ADGRL3: variants seen among roughly 807,000 people sequenced by gnomAD.
ADGRL3 encodes the protein adhesion G protein-coupled receptor L3.
Under a neutral mutation model 153.5 loss-of-function variants are expected in ADGRL3, and 62 were observed. The ratio of observed to expected loss-of-function variants is 0.40; its 90% CI spans 0.33 to 0.50. The LOEUF is 0.50. Ranked by LOEUF, ADGRL3 falls within the 20% of genes least tolerant of loss-of-function variation. The pLI, the probability that ADGRL3 is intolerant of heterozygous loss-of-function variation, is 0.47. For synonymous variants in ADGRL3, 710 were observed against 672.5 expected (o/e 1.06, Z -0.86); for missense variants, 1,641 against 1,859.4 (o/e 0.88, Z 2.16).
At chr4:61,802,035 G>A (rs1023394513) in intron 8 of ADGRL3, among the ~76,000 whole-genome samples, 1 of 99,194 alleles carries the variant, frequency 1.0e-5, no homozygotes, top group Non-Finnish European at 1.8e-5. Flanking sequence ...CACTGATAAT[G>A]AATATAATTT....
At chr4:62,006,032 A>ATATATATTTTT (rs1203029363) in intron 21 of ADGRL3, among the ~76,000 whole-genome samples, 1 of 73,082 alleles carries the variant, frequency 1.4e-5, no homozygotes, top group Non-Finnish European at 2.6e-5. Flanking sequence ...ATATATATAT[A>ATATATATTTTT]TTTTTTTTTT....
chr4:62,071,029 A>G lies in ADGRL3; in HGVS notation c.*121A>G. 1.1e-6 allele frequency: 1 copy of G among 896,220 alleles called. No homozygotes were observed. Among genetic ancestry groups the G allele is most frequent in the Non-Finnish European group, 1.6e-6 (1 of 607,534 alleles). 55.5% of individuals were successfully genotyped at this position (896,220 alleles called of 1,614,324 possible). A position where few individuals can be genotyped will look rare whatever the true frequency, so the allele number is the denominator to read the frequency against. ...ATCTTTATGCTGTCCTCTAAAGACA[A>G]ACACAAACTCTCAGACTTTTTTTTT... On this transcript the variant is annotated 3_prime_UTR_variant, in exon 27 of 27. Transcript: ENST00000683033.
At chr4:61,308,265 A>G (rs2094873241) in intron 1 of ADGRL3, among the ~76,000 whole-genome samples, 1 of 152,146 alleles carries the variant, frequency 6.6e-6, no homozygotes, top group African/African-American at 2.4e-5. Flanking sequence ...AGAAGCAAAC[A>G]CCAGGAGGAG....
chr4:61,642,838 G>A (rs2093751391), intron 5 of ADGRL3, among the ~76,000 whole-genome samples: 1 of 152,158 alleles, frequency 6.6e-6, no homozygotes. Context: ...GTCATTGGTA[G>A]CTTGATGGGG....
intron 1 of ADGRL3, among the ~76,000 whole-genome samples, chr4:61,359,006 C>A (rs1449799391): frequency 1.3e-5 from 2 of 152,124 alleles, no homozygotes; most frequent in East Asian, 3.9e-4. Context: ...CTAAAAATGT[C>A]TTTTTTAAAA....
At chr4:61,398,358 A>C (rs2096891908) in intron 2 of ADGRL3, among the ~76,000 whole-genome samples, 2 of 151,764 alleles carry the variant, frequency 1.3e-5, no homozygotes, top group African/African-American at 4.8e-5. Flanking sequence ...GCCTTCGTAA[A>C]TGTATTGACA....
chr4:61,255,861 A>G (rs1474213208), intron 1 of ADGRL3, among the ~76,000 whole-genome samples: 2 of 152,160 alleles, frequency 1.3e-5, no homozygotes, highest in Non-Finnish European at 2.9e-5. Flanking sequence ...GTAAGTTGTT[A>G]TGGAAGATTT....
intron 2 of ADGRL3, among the ~76,000 whole-genome samples, chr4:61,405,576 C>A (rs1001001607): frequency 1.6e-4 from 25 of 151,812 alleles, no homozygotes; most frequent in African/African-American, 5.8e-4. Context: ...TCAGTTTATT[C>A]AAACCCCCTG....
intron 9 of ADGRL3, among the ~76,000 whole-genome samples, chr4:61,844,575 A>AAAAAAT (rs1554045137): frequency 1.7e-4 from 3 of 18,102 alleles, no homozygotes; most frequent in African/African-American, 5.2e-4. Context: ...AAAAAAAAAA[A>AAAAAAT]ATATATATAT....
At chr4:61,963,893 C>T (rs2098997161) in intron 17 of ADGRL3, among the ~76,000 whole-genome samples, 1 of 152,150 alleles carries the variant, frequency 6.6e-6, no homozygotes, top group South Asian at 2.1e-4. Context: ...TAATCAAGTA[C>T]ATAAGGGATC....
chr4:61,645,902 C>T (rs1216025562), intron 5 of ADGRL3, among the ~76,000 whole-genome samples: 1 of 152,142 alleles, frequency 6.6e-6, no homozygotes, highest in South Asian at 2.1e-4. Context: ...GTTCCATTCT[C>T]CCCATCACTT....
chr4:61,792,736 C>T (rs2097358708), intron 8 of ADGRL3, among the ~76,000 whole-genome samples: 2 of 152,062 alleles, frequency 1.3e-5, no homozygotes, highest in African/African-American at 4.8e-5. Flanking sequence ...GATCTGCCCG[C>T]CTCAGCCTCC....
Position 61,835,864 on chromosome 4 carries a change from G to A in ADGRL3, c.1480+21975G>A, listed in dbSNP as rs542053858. 6.6e-5 allele frequency among the ~76,000 whole-genome samples: 10 copies of A among 152,296 alleles called. 1 individual carries two copies. In the East Asian group the frequency reaches 1.9e-3, roughly 29 times the overall value. ...CTACTGAGCTACACAGCATTGGGCA[G>A]TTTCTATTGTTTTTCCCAGAAGGAG... On this transcript the variant is annotated intron_variant, in intron 9 of 26. Transcript: ENST00000683033.
chr4:61,900,699 GTGGA>G (rs1005333350), intron 11 of ADGRL3, among the ~76,000 whole-genome samples: 11 of 152,078 alleles, frequency 7.2e-5, no homozygotes, highest in African/African-American at 2.4e-4. Context: ...ATGGATGTAG[GTGGA>G]TGGATGGATG....
chr4:61,970,291 A>G (rs184033162), intron 17 of ADGRL3, among the ~76,000 whole-genome samples: 59 of 152,264 alleles, frequency 3.9e-4, no homozygotes, highest in African/African-American at 1.3e-3. Flanking sequence ...CAGAAATGCT[A>G]AGGATAAAAT....
intron 2 of ADGRL3, among the ~76,000 whole-genome samples, chr4:61,470,867 G>T (rs1190315676): frequency 1.3e-5 from 2 of 151,808 alleles, no homozygotes; most frequent in Non-Finnish European, 2.9e-5. Flanking sequence ...TTAAATTCAT[G>T]ATGTACCTCT....
At chr4:61,596,191 C>T (rs1305433671) in intron 5 of ADGRL3, among the ~76,000 whole-genome samples, 1 of 152,178 alleles carries the variant, frequency 6.6e-6, no homozygotes, top group Non-Finnish European at 1.5e-5. Context: ...TTAAAATGTG[C>T]TGTTCCAGCA....
chr4:61,555,361 T>C (rs2098760430), intron 4 of ADGRL3, among the ~76,000 whole-genome samples: 1 of 152,172 alleles, frequency 6.6e-6, no homozygotes, highest in Non-Finnish European at 1.5e-5. Flanking sequence ...GCTGTTTATC[T>C]CCCACCTAAA....
At chr4:61,602,855 A>G (rs2099017365) in intron 5 of ADGRL3, among the ~76,000 whole-genome samples, 1 of 152,206 alleles carries the variant, frequency 6.6e-6, no homozygotes, top group Admixed American at 6.5e-5. Context: ...GAGCAGGGAT[A>G]TTATTAGTTT....
Sources: gnomAD v4.1 joint callset for allele counts (sites outside exome capture counted in the v4.1 genomes callset) on GRCh38, gnomAD v4.1.1 for gene constraint, MANE v1.5 for transcripts, NCBI Gene and HGNC (gene_info 2026-07-23, HGNC 2026-07-21) for gene names.